The following PTGR1 variants were observed in gnomAD, a reference collection of about 807,000 sequenced individuals.
PTGR1 encodes the protein prostaglandin reductase 1, also known as 15-oxoprostaglandin 13-reductase.
A neutral mutation model predicts 37.7 loss-of-function variants in PTGR1; 23 were observed. The ratio of observed to expected loss-of-function variants is 0.61; its 90% CI spans 0.44 to 0.86. The LOEUF (loss-of-function observed/expected upper bound fraction) is 0.86. PTGR1 is among the 40% of genes least tolerant of loss of function. PTGR1 has a pLI of 0.00. For synonymous variants in PTGR1, 134 were observed against 140.0 expected, an observed-to-expected ratio of 0.96 and a Z score of 0.30; for missense variants, 351 against 394.3, an observed-to-expected ratio of 0.89 and a Z score of 0.93.
Position 111,597,563 on chromosome 9 carries a change from C to A in PTGR1, c.-10-131G>T, listed in dbSNP as rs551323602. 4.2e-4 allele frequency: 254 copies of A among 608,694 alleles called. 5 individuals are homozygous for A. The South Asian group carries it at 5.1e-3, about 12-fold the overall frequency. The allele number at this position is 608,694 out of a possible 1,614,324, so 37.7% of individuals were successfully genotyped here. A position where few individuals can be genotyped will look rare whatever the true frequency, so the allele number is the denominator to read the frequency against. Reference sequence around the variant, plus strand: ...TCCCATCATTATCATATCATGCCAACCACATTCATTTAACATTTACTATGT... The same window carrying A: ...TCCCATCATTATCATATCATGCCAAACACATTCATTTAACATTTACTATGT... On this transcript the variant is annotated intron_variant, in intron 1 of 9. Transcript: ENST00000407693.
chr9:111,589,342 G>C (rs1829535284), intron 4 of PTGR1: 1 of 877,480 alleles, frequency 1.1e-6, no homozygotes. Context: ...TTCCAGTAAA[G>C]ATCCATAGAC....
At position 111,574,754 on chromosome 9, in the gene PTGR1, C is replaced by G; in HGVS notation, c.740G>C (p.Arg247Thr). ...AICGAISTYN[R>T]TGPLPPGPPP... ...ATTACCTGGGGGAAGTGGGCCGGTT[C>G]TGTTATATGTAGAGATGGCTCCACA... The change falls in exon 8 of 10, where the codon AGA (arginine) becomes ACA (threonine). Residue 247 changes from arginine (R) to threonine (T), a missense_variant. Transcript: ENST00000407693. 6.2e-7 allele frequency: 1 copy of G among 1,613,196 alleles called. No homozygotes were observed. The highest frequency in any genetic ancestry group is 8.5e-7 in the Non-Finnish European group (1 of 1,179,616).
At chr9:111,577,186 CA>C (rs1829096526) in intron 7 of PTGR1, 2 of 152,062 alleles carry the variant, frequency 1.3e-5, no homozygotes, top group Admixed American at 1.3e-4. Context: ...ATACAAATGG[CA>C]AATACATACG....
At position 111,585,040 on chromosome 9, in the gene PTGR1, A is replaced by G. The variant is rs4979008; in HGVS notation, c.377+958T>C. On this transcript the variant is annotated intron_variant, in intron 5 of 9. Coordinates refer to ENST00000407693, the MANE Select transcript of PTGR1 (RefSeq NM_001146108.2). ...TGCAGAATTTCAGACAAATTCATGT[A>G]AAGTTATTTCTGCATTAAAAAAAAA... Among the ~76,000 whole-genome samples, 1,440 of 152,238 alleles carry G rather than the reference A, an allele frequency of 9.5e-3. 91 individuals are homozygous for G. Among genetic ancestry groups the G allele is most frequent in the Admixed American group, 0.066 (1,013 of 15,286 alleles).
At chr9:111,556,965 A>G (rs906437026) in intron 9 of PTGR1, among the ~76,000 whole-genome samples, 5 of 152,208 alleles carry the variant, frequency 3.3e-5, no homozygotes, top group African/African-American at 1.2e-4. Context: ...GATGCTGCAC[A>G]GAGCAGTGTG....
chr9:111,562,934 G>C lies in PTGR1; in HGVS notation c.*187C>G. 1 of 1,385,134 alleles carries C rather than the reference G, an allele frequency of 7.2e-7. No homozygotes were observed. The highest frequency in any genetic ancestry group is 9.3e-7 in the Non-Finnish European group (1 of 1,070,648). 85.8% of individuals were successfully genotyped at this position (1,385,134 alleles called of 1,614,324 possible). A position where few individuals can be genotyped will look rare whatever the true frequency, so the allele number is the denominator to read the frequency against. The stretch of plus-strand genomic sequence containing the variant: ...GTGAACAGTGAGGTGACTGGTTGTT[G>C]TTGACTTTGAAACTTCCATCCTCCA... On this transcript the variant is annotated 3_prime_UTR_variant, in exon 10 of 10. Transcript: ENST00000407693.
intron 4 of PTGR1, among the ~76,000 whole-genome samples, chr9:111,591,150 G>A (rs886456876): frequency 6.6e-6 from 1 of 151,674 alleles, no homozygotes; most frequent in Non-Finnish European, 1.5e-5. Flanking sequence ...AATTAGCCGG[G>A]TGCGGTGGTG....
intron 4 of PTGR1, among the ~76,000 whole-genome samples, chr9:111,586,780 C>T (rs1829441053): frequency 7.5e-6 from 1 of 133,154 alleles, no homozygotes; most frequent in Non-Finnish European, 1.7e-5. Flanking sequence ...TTTTACTTTT[C>T]CACTCTCTCT....
chr9:111,573,542 G>A (rs1454325240), intron 8 of PTGR1, among the ~76,000 whole-genome samples: 1 of 152,178 alleles, frequency 6.6e-6, no homozygotes, highest in East Asian at 1.9e-4. Context: ...GAGTCTGGAA[G>A]ATTCCTTTTT....
chr9:111,594,546 A>ATCCTTTTT (rs528901452), intron 2 of PTGR1, among the ~76,000 whole-genome samples: 1 of 127,420 alleles, frequency 7.8e-6, no homozygotes, highest in Non-Finnish European at 1.7e-5. Flanking sequence ...CGTTTTTGGC[A>ATCCTTTTT]TTCTTTTTTT....
intron 6 of PTGR1, among the ~76,000 whole-genome samples, chr9:111,580,052 G>C (rs1013247914): frequency 5.9e-5 from 9 of 152,124 alleles, no homozygotes; most frequent in African/African-American, 2.2e-4. Context: ...AAAAACTATT[G>C]CAAGAGAGCC....
chr9:111,578,774 A>G, intron 7 of PTGR1, 22 bp downstream of exon 7: 2 of 1,581,524 alleles, frequency 1.3e-6, no homozygotes, highest in South Asian at 1.1e-5. Flanking sequence ...TAAATTAGAT[A>G]TTAAGTCCAG....
At chr9:111,572,647 C>T (rs1326166261) in intron 8 of PTGR1, among the ~76,000 whole-genome samples, 1 of 149,158 alleles carries the variant, frequency 6.7e-6, no homozygotes, top group Non-Finnish European at 1.5e-5. Context: ...GTCTCAGCTA[C>T]TCGGGAGGCT....
rs752895237 is a variant in PTGR1, at chr9:111,594,207, C to T, written c.152+15G>A. 1.8e-5 allele frequency: 29 copies of T among 1,607,568 alleles called. No individual in the cohort carries two copies. Among genetic ancestry groups the T allele is most frequent in the East Asian group, 1.3e-4 (6 of 44,832 alleles). On this transcript the variant is annotated intron_variant, in intron 3 of 9. Coordinates refer to ENST00000407693, the MANE Select transcript of PTGR1 (RefSeq NM_001146108.2). ...AACACAGCATTAGCATTTTGAGGGG[C>T]GAAATAAATAATACCTCATGTAGGG...
At chr9:111,556,213 TC>T (rs1176395730) in intron 9 of PTGR1, among the ~76,000 whole-genome samples, 2 of 152,188 alleles carry the variant, frequency 1.3e-5, no homozygotes, top group Non-Finnish European at 2.9e-5. Context: ...ATGTCTCACA[TC>T]TAGGGCATGC....
At chr9:111,561,173 G>A (rs188349623), downstream of PTGR1, among the ~76,000 whole-genome samples, 387 of 120,750 alleles carry the variant, frequency 3.2e-3, 12 homozygotes, top group East Asian at 0.017. Flanking sequence ...GAGAGAGAGA[G>A]AGAGAAAGAG....
intron 4 of PTGR1, among the ~76,000 whole-genome samples, chr9:111,590,813 T>C (rs1829587673): frequency 6.6e-6 from 1 of 152,180 alleles, no homozygotes; most frequent in African/African-American, 2.4e-5. Context: ...TATACATACA[T>C]ACATGCTCCT....
chr9:111,580,119 C>T (rs1385714073), intron 6 of PTGR1, among the ~76,000 whole-genome samples: 2 of 152,156 alleles, frequency 1.3e-5, no homozygotes, highest in Non-Finnish European at 2.9e-5. Context: ...ATCTCTTTCA[C>T]TCTTATGACC....
intron 9 of PTGR1, among the ~76,000 whole-genome samples, chr9:111,554,212 T>G (rs752158679): frequency 5.3e-5 from 8 of 152,234 alleles, no homozygotes; most frequent in Non-Finnish European, 1.0e-4. Context: ...GAATTGATAG[T>G]TAATGGGTTT....
Sources: allele counts gnomAD v4.1 joint callset (sites outside exome capture counted in the v4.1 genomes callset), GRCh38; gene constraint gnomAD v4.1.1; transcripts MANE v1.5; gene names NCBI Gene and HGNC (gene_info 2026-07-23, HGNC 2026-07-21).